CTSC: variants seen among roughly 807,000 people sequenced by gnomAD.
The protein encoded by CTSC is dipeptidyl peptidase 1.
Under a neutral mutation model 40.9 loss-of-function variants are expected in CTSC, and 37 were observed. The observed-to-expected ratio is 0.91, with a 90% CI of 0.70 to 1.19. The LOEUF (loss-of-function observed/expected upper bound fraction) is 1.19. CTSC is among the 50% of genes most tolerant of loss of function. The pLI is 0.00. For missense variants in CTSC, 594 were observed against 567.3 expected, an observed-to-expected ratio of 1.05 and a Z score of -0.48; for synonymous variants, 232 against 207.4, an observed-to-expected ratio of 1.12 and a Z score of -1.02.
chr11:88,323,876 C>T (rs1938103144), intron 2 of CTSC: 1 of 152,108 alleles, frequency 6.6e-6, no homozygotes, highest in East Asian at 1.9e-4. Flanking sequence ...TCCCATTAAA[C>T]TACCATTAAC....
chr11:88,331,875 A>G (rs1243362391), intron 2 of CTSC, among the ~76,000 whole-genome samples: 1 of 152,160 alleles, frequency 6.6e-6, no homozygotes. Context: ...AAGATCAGAG[A>G]GAGAGATTCT....
chr11:88,320,849 G>A (rs1449765805), intron 2 of CTSC: 1 of 842,564 alleles, frequency 1.2e-6, no homozygotes, highest in East Asian at 1.2e-4. Flanking sequence ...AGTATTTATT[G>A]AAGGCTTATT....
chr11:88,328,461 A>C (rs1938253184), intron 2 of CTSC, among the ~76,000 whole-genome samples: 1 of 152,236 alleles, frequency 6.6e-6, no homozygotes, highest in Non-Finnish European at 1.5e-5. Context: ...TTAATAATGA[A>C]CCCAGAAGGC....
intron 2 of CTSC, among the ~76,000 whole-genome samples, chr11:88,318,563 CG>C (rs1937927712): frequency 6.6e-6 from 1 of 152,278 alleles, no homozygotes; most frequent in Admixed American, 6.5e-5. Flanking sequence ...TGGTTTCCAG[CG>C]GAACATTGGA....
At chr11:88,295,799 C>T (rs1193470823) in intron 6 of CTSC, among the ~76,000 whole-genome samples, 2 of 152,132 alleles carry the variant, frequency 1.3e-5, no homozygotes, top group African/African-American at 2.4e-5. Context: ...AGCTGTGAGA[C>T]CTTCAAATTA....
intron 4 of CTSC, among the ~76,000 whole-genome samples, chr11:88,307,193 C>T (rs1319881580): frequency 6.6e-6 from 1 of 152,178 alleles, no homozygotes; most frequent in East Asian, 1.9e-4. Context: ...GAATTTGAGG[C>T]TATTTCAATG....
chr11:88,318,505 A>C (rs535581296), intron 2 of CTSC, among the ~76,000 whole-genome samples: 1 of 152,356 alleles, frequency 6.6e-6, no homozygotes, highest in South Asian at 2.1e-4. Context: ...TATTCTATCC[A>C]AAACTGCCAA....
chr11:88,301,806 G>GCACA (rs1422536773), intron 4 of CTSC, among the ~76,000 whole-genome samples: 7 of 49,572 alleles, frequency 1.4e-4, no homozygotes, highest in African/African-American at 2.9e-4. Flanking sequence ...ACAAACACAC[G>GCACA]CGCGCACACA....
At position 88,303,333 on chromosome 11, in the gene CTSC, C is replaced by T. The variant is rs139011242; in HGVS notation, c.642-2688G>A. On this transcript the variant is annotated intron_variant, in intron 4 of 6. Coordinates refer to ENST00000227266, the MANE Select transcript of CTSC (RefSeq NM_001814.6). ...GATCTCACAGGCTGAGGGCTCCGTC[C>T]CACAAAACTGCCCCCTACTTCTCAT... is the stretch of plus-strand genomic sequence containing the variant. Among the ~76,000 whole-genome samples, 652 of 152,262 alleles carry T rather than the reference C, an allele frequency of 4.3e-3. 7 individuals carry two copies. The highest frequency in any genetic ancestry group is 0.015 in the African/African-American group (633 of 41,546).
chr11:88,305,626 T>C (rs558241434), intron 4 of CTSC, among the ~76,000 whole-genome samples: 1 of 152,348 alleles, frequency 6.6e-6, no homozygotes, highest in Non-Finnish European at 1.5e-5. Context: ...TATTACGTCA[T>C]TGGATTCTTA....
rs199547244 is a variant in CTSC at position 88,294,109 on chromosome 11, C to A, written c.1289G>T (p.Gly430Val). ...GTAGCCATTCTCACCCCAGCCGGTG[C>A]CCCAGCTGTTTTTAACAATCCAGTA... is the stretch of plus-strand genomic sequence containing the variant. ...MDYWIVKNSW[G>V]TGWGENGYFR... Residue 430 changes from glycine (G) to valine (V), a missense_variant, in exon 7 of 7, where the codon GGC (glycine) becomes GTC (valine). By Grantham distance (109) the Gly-to-Val change is moderately radical. Transcript: ENST00000227266. The A allele has an allele frequency of 6.2e-7, 1 of 1,613,850 alleles. No individual in the cohort carries two copies. The highest frequency in any genetic ancestry group is 1.3e-5 in the African/African-American group (1 of 74,846).
chr11:88,294,656 T>C, intron 6 of CTSC, 148 bp from the exon 7 acceptor site: 2 of 859,332 alleles, frequency 2.3e-6, no homozygotes, highest in Non-Finnish European at 3.7e-6. Flanking sequence ...CCATCCATTT[T>C]CCAACTAGCT....
intron 2 of CTSC, among the ~76,000 whole-genome samples, chr11:88,319,005 T>C (rs1205560000): frequency 6.6e-6 from 1 of 152,210 alleles, no homozygotes; most frequent in African/African-American, 2.4e-5. Flanking sequence ...AGATCTAATA[T>C]CAGATGTTCA....
chr11:88,318,417 C>T (rs1937925207), intron 2 of CTSC, among the ~76,000 whole-genome samples: 1 of 152,126 alleles, frequency 6.6e-6, no homozygotes, highest in African/African-American at 2.4e-5. Flanking sequence ...AAAAGTTATA[C>T]AACATTAAAC....
chr11:88,310,900 T>TCC (rs397691872), intron 3 of CTSC, among the ~76,000 whole-genome samples: 1 of 151,978 alleles, frequency 6.6e-6, no homozygotes, highest in Non-Finnish European at 1.5e-5. Flanking sequence ...AGTAGCCTGC[T>TCC]GTTTCGCTTG....
intron 2 of CTSC, among the ~76,000 whole-genome samples, chr11:88,318,194 C>T (rs1289007837): frequency 1.3e-5 from 2 of 152,178 alleles, no homozygotes; most frequent in Admixed American, 6.5e-5. Context: ...ACTTACTTTA[C>T]ATAACAAACT....
chr11:88,320,147 G>T (rs1175346681), intron 2 of CTSC, among the ~76,000 whole-genome samples: 2 of 152,134 alleles, frequency 1.3e-5, no homozygotes, highest in Non-Finnish European at 2.9e-5. Flanking sequence ...AAGTCGAATT[G>T]TAATAAAATG....
At chr11:88,324,984 T>C in intron 2 of CTSC, 2 of 985,134 alleles carry the variant, frequency 2.0e-6, no homozygotes, top group Non-Finnish European at 2.4e-6. Context: ...CAAACTACTC[T>C]CTAGAGAAAA....
At chr11:88,307,553 T>G (rs1221605461) in intron 4 of CTSC, among the ~76,000 whole-genome samples, 1 of 129,808 alleles carries the variant, frequency 7.7e-6, no homozygotes, top group Non-Finnish European at 1.6e-5. Flanking sequence ...GCTATACTGA[T>G]AACTTTTTTT....
Sources: gnomAD v4.1 joint callset for allele counts (sites outside exome capture counted in the v4.1 genomes callset) on GRCh38, gnomAD v4.1.1 for gene constraint, MANE v1.5 for transcripts, NCBI Gene and HGNC (gene_info 2026-07-23, HGNC 2026-07-21) for gene names.